Variants in PARP14 observed in about 807,000 individuals in gnomAD.
PARP14 encodes the protein poly(ADP-ribose) polymerase family member 14, also known as protein mono-ADP-ribosyltransferase PARP14.
A neutral mutation model predicts 154.2 loss-of-function variants in PARP14; 59 were observed. The observed-to-expected ratio is 0.38, with a 90% CI of 0.31 to 0.48. The LOEUF (loss-of-function observed/expected upper bound fraction) is 0.48, where lower values mean the gene tolerates loss of function less well. Ranked by LOEUF, PARP14 falls within the 20% of genes least tolerant of loss-of-function variation. The pLI is 0.98. For synonymous variants in PARP14, 720 were observed against 780.5 expected (o/e 0.92, Z 1.29); for missense variants, 1,734 against 2,131.6 (o/e 0.81, Z 3.67).
In PARP14 at chr3:122,681,122, A is replaced by G; in HGVS notation, c.187+52A>G. 1 of 1,238,590 alleles carries G rather than the reference A, an allele frequency of 8.1e-7. No homozygotes were observed. The highest frequency in any genetic ancestry group is 1.1e-6 in the Non-Finnish European group (1 of 908,632). 76.7% of individuals were successfully genotyped at this position (1,238,590 alleles called of 1,614,324 possible). On this transcript the variant is annotated intron_variant, in intron 1 of 16. Coordinates refer to ENST00000474629, the MANE Select transcript of PARP14 (RefSeq NM_017554.3). The surrounding 1 kb of genome is among the most constrained non-coding windows in gnomAD (Gnocchi z 5.5). ...GAGGGGGCACCTCTGCCCTCCCTCC[A>G]GGGAAATGGCGGCAGGGCACGCACG...
intron 16 of PARP14, 40 bp downstream of exon 16, chr3:122,728,026 C>T: frequency 6.4e-7 from 1 of 1,567,896 alleles, no homozygotes; most frequent in South Asian, 1.2e-5. Flanking sequence ...AATGAGGCAT[C>T]AGCCATGAGA....
chr3:122,727,417 G>C (rs1485939921), intron 15 of PARP14, among the ~76,000 whole-genome samples: 3 of 152,184 alleles, frequency 2.0e-5, no homozygotes, highest in Non-Finnish European at 4.4e-5. Context: ...ACACAACTAG[G>C]TCAACCAGTA....
Position 122,718,709 on chromosome 3 carries a change from T to G in PARP14, c.4558T>G (p.Leu1520Val), listed in dbSNP as rs373580761. 1.9e-6 allele frequency: 3 copies of G among 1,613,626 alleles called. No individual in the cohort carries two copies. In the African/African-American group the frequency reaches 4.0e-5, roughly 22 times the overall value. ...EIEAMIKRVR[L>V]AKEQESRADC... ...TGAGGCGATGATCAAGAGAGTTCGATTGGCCAAAGAACAGGAATCCCGGGC... is the reference window on the plus strand; with the variant it reads ...TGAGGCGATGATCAAGAGAGTTCGAGTGGCCAAAGAACAGGAATCCCGGGC... The change falls in exon 14 of 17, where the codon TTG becomes GTG. Residue 1520 changes from leucine to valine, a missense_variant. By Grantham distance (32) the Leu-to-Val change is conservative. Around this residue, in one of 2 missense-constraint regions of PARP14, gnomAD observed 1,646 missense variants for 1,976.0 expected, o/e 0.83. Transcript: ENST00000474629.
chr3:122,681,213 G>T lies in PARP14; in HGVS notation c.187+143G>T. ...GGTGGCCGGGGCGGGGGCGGGGGCGGGGGCGGCAGAATGGATTCCGAGCGC... is the reference window on the plus strand; with the variant it reads ...GGTGGCCGGGGCGGGGGCGGGGGCGTGGGCGGCAGAATGGATTCCGAGCGC... On this transcript the variant is annotated intron_variant, in intron 1 of 16. Coordinates refer to ENST00000474629, the MANE Select transcript of PARP14 (RefSeq NM_017554.3). The surrounding 1 kb of genome is among the most constrained non-coding windows in gnomAD (Gnocchi z 5.5). 1 of 572,932 alleles carries T rather than the reference G, an allele frequency of 1.7e-6. No individual in the cohort carries two copies. Among genetic ancestry groups the T allele is most frequent in the South Asian group, 2.1e-5 (1 of 48,284 alleles). 35.5% of individuals were successfully genotyped at this position (572,932 alleles called of 1,614,324 possible). A position where few individuals can be genotyped will look rare whatever the true frequency, so the allele number is the denominator to read the frequency against.
chr3:122,683,999 A>G lies in PARP14; in HGVS notation c.188-1186A>G, dbSNP rs150084008. ...TTGTGTGGAAACATCTGCCCTCCTC[A>G]TAAAGAGTGAGATTAGAAGCTGGCG... On this transcript the variant is annotated intron_variant, in intron 1 of 16. Coordinates refer to ENST00000474629, the MANE Select transcript of PARP14 (RefSeq NM_017554.3). 3.2e-3 allele frequency among the ~76,000 whole-genome samples: 493 copies of G among 152,288 alleles called. 1 individual carries two copies. Among genetic ancestry groups the G allele is most frequent in the African/African-American group, 0.012 (483 of 41,554 alleles).
At chr3:122,714,834 G>A (rs1932945912) in intron 12 of PARP14, among the ~76,000 whole-genome samples, 1 of 152,006 alleles carries the variant, frequency 6.6e-6, no homozygotes, top group Non-Finnish European at 1.5e-5. Flanking sequence ...GAGAATATTA[G>A]TACAACAACT....
chr3:122,719,969 T>C (rs1560082241), intron 14 of PARP14, among the ~76,000 whole-genome samples: 1 of 152,204 alleles, frequency 6.6e-6, no homozygotes, highest in East Asian at 1.9e-4. Flanking sequence ...CCAACAGTTC[T>C]CAAATCGTAG....
chr3:122,720,209 G>A (rs1313579676), intron 14 of PARP14, 46 bp from the exon 15 acceptor site: 2 of 1,582,782 alleles, frequency 1.3e-6, no homozygotes, highest in East Asian at 4.5e-5. Context: ...ATGTTCCAGA[G>A]TGTACCGGGG....
chr3:122,696,433 T>G (rs1228838180), intron 5 of PARP14, among the ~76,000 whole-genome samples: 1 of 152,176 alleles, frequency 6.6e-6, no homozygotes, highest in East Asian at 1.9e-4. Context: ...ACCTCCCTTT[T>G]CCCAACTCAG....
intron 1 of PARP14, among the ~76,000 whole-genome samples, chr3:122,682,382 G>C (rs1458255671): frequency 6.6e-6 from 1 of 152,100 alleles, no homozygotes; most frequent in African/African-American, 2.4e-5. Flanking sequence ...GGTTAACCAG[G>C]CACCTTCCCA....
At position 122,730,013 on chromosome 3, in the gene PARP14, T is replaced by G. The variant is rs1470318090; in HGVS notation, c.*1416T>G. On this transcript the variant is annotated 3_prime_UTR_variant, in exon 17 of 17. Coordinates refer to ENST00000474629, the MANE Select transcript of PARP14 (RefSeq NM_017554.3). ...GTAAGTTTAAGATTCAAACACCATC[T>G]ATTGAGCACCTACATTGTGTGCCAG... 5 of 152,226 alleles carry G rather than the reference T, an allele frequency of 3.3e-5. No homozygotes were observed. 9.4% of individuals were successfully genotyped at this position (152,226 alleles called of 1,614,324 possible).
intron 16 of PARP14, 92 bp from the exon 17 acceptor site, chr3:122,728,216 G>A: frequency 8.3e-7 from 1 of 1,209,752 alleles, no homozygotes; most frequent in Non-Finnish European, 1.2e-6. Context: ...TTTTAAGAGA[G>A]GCTTTAGAAA....
In PARP14 at chr3:122,703,774, T is replaced by C. The variant is rs1560066614; in HGVS notation, c.3114T>C (p.Asp1038=). The change falls in exon 7 of 17, where the codon GAT becomes GAC. Residue 1038 remains aspartate (D), a synonymous_variant. Transcript: ENST00000474629. The part of the protein sequence containing the change: ...TDVVVNSVPL[D]LVLSRGPLSK... The stretch of plus-strand genomic sequence containing the variant: ...TTGTTGTCAACTCCGTTCCCTTGGA[T>C]CTCGTGCTTAGTAGAGGGCCTCTTT... The C allele has an allele frequency of 6.2e-7, 1 of 1,612,202 alleles. No individual in the cohort carries two copies. The highest frequency in any genetic ancestry group is 8.5e-7 in the Non-Finnish European group (1 of 1,178,830).
At chr3:122,705,324 C>T (rs1388448822) in intron 8 of PARP14, among the ~76,000 whole-genome samples, 1 of 152,158 alleles carries the variant, frequency 6.6e-6, no homozygotes, top group Non-Finnish European at 1.5e-5. Context: ...ATAAGGCCCA[C>T]ATATTGCAAT....
chr3:122,716,765 C>T (rs1424835451), intron 12 of PARP14, among the ~76,000 whole-genome samples: 2 of 152,202 alleles, frequency 1.3e-5, no homozygotes, highest in African/African-American at 2.4e-5. Flanking sequence ...CTCCATACCC[C>T]TCCAGACTTA....
intron 9 of PARP14, among the ~76,000 whole-genome samples, chr3:122,711,404 T>C (rs1336023165): frequency 6.6e-6 from 1 of 152,232 alleles, no homozygotes; most frequent in African/African-American, 2.4e-5. Context: ...GACTTTTATA[T>C]GTTAAACCAT....
intron 9 of PARP14, among the ~76,000 whole-genome samples, chr3:122,712,601 G>A (rs1939359202): frequency 6.6e-6 from 1 of 151,338 alleles, no homozygotes; most frequent in African/African-American, 2.4e-5. Context: ...CACTCAAGCT[G>A]GAGTGCAGTG....
At chr3:122,682,937 C>G (rs2107634333) in intron 1 of PARP14, among the ~76,000 whole-genome samples, 1 of 152,220 alleles carries the variant, frequency 6.6e-6, no homozygotes, top group East Asian at 1.9e-4. Context: ...CGCCTATAGT[C>G]CCAGCTACTC....
At position 122,713,964 on chromosome 3, in the gene PARP14, G is replaced by T. The variant is rs1576597510; in HGVS notation, c.3832+30G>T. Reference sequence around the variant, plus strand: ...GGCATATTCTATTTTTTGGTCCTAAGTTGTAATTGTATGGGAGGCTGTGGA... The same window carrying T: ...GGCATATTCTATTTTTTGGTCCTAATTTGTAATTGTATGGGAGGCTGTGGA... On this transcript the variant is annotated intron_variant, in intron 11 of 16. Transcript: ENST00000474629. The T allele has an allele frequency of 7.8e-6, 12 of 1,529,216 alleles. No individual in the cohort carries two copies. The East Asian group carries it at 2.5e-4, about 32-fold the overall frequency. The allele number at this position is 1,529,216 out of a possible 1,614,324, so 94.7% of individuals were successfully genotyped here. A position where few individuals can be genotyped will look rare whatever the true frequency, so the allele number is the denominator to read the frequency against.
Sources: gnomAD v4.1 joint callset for allele counts (sites outside exome capture counted in the v4.1 genomes callset) on GRCh38, gnomAD v4.1.1 for gene constraint, gnomAD v4.1.1 regional missense constraint, Gnocchi (gnomAD v3.1) non-coding constraint, MANE v1.5 for transcripts, NCBI Gene and HGNC (gene_info 2026-07-23, HGNC 2026-07-21) for gene names.